Variants in TENM2 observed in about 807,000 individuals in gnomAD.
TENM2 encodes teneurin transmembrane protein 2.
Under a neutral mutation model 245.2 loss-of-function variants are expected in TENM2, and 52 were observed. That is an observed-to-expected ratio of 0.21 (90% CI 0.17 to 0.27). TENM2 has a LOEUF of 0.27. Among genes scored for constraint, TENM2 ranks in the 10% least tolerant of loss-of-function variants. The probability of loss-of-function intolerance (pLI) is 1.00; values close to 1 mark genes in which losing one functional copy is unlikely to be tolerated. For missense variants in TENM2, 3,046 were observed against 3,666.8 expected, an observed-to-expected ratio of 0.83 and a Z score of 4.37; for synonymous variants, 1,363 against 1,438.9, an observed-to-expected ratio of 0.95 and a Z score of 1.19.
At chr5:167,349,044 T>C (rs1758651919) in intron 1 of TENM2, among the ~76,000 whole-genome samples, 3 of 152,202 alleles carry the variant, frequency 2.0e-5, no homozygotes, top group Admixed American at 2.0e-4. Context: ...AATTATAAAA[T>C]TCCCCCACTT....
chr5:167,394,990 G>A lies in TENM2; in HGVS notation c.502+19517G>A, dbSNP rs147600813. ...CTTTGAACCAAGATTATGGTTCTAC[G>A]TGGATTTTAGGATTATTTGTTCTAT... is the stretch of plus-strand genomic sequence containing the variant. On this transcript the variant is annotated intron_variant, in intron 2 of 28. Coordinates refer to ENST00000518659, the Ensembl canonical transcript of TENM2. Among the ~76,000 whole-genome samples, 437 of 152,172 alleles carry A rather than the reference G, an allele frequency of 2.9e-3. 2 individuals are homozygous for A. Among genetic ancestry groups the A allele is most frequent in the African/African-American group, 9.4e-3 (390 of 41,516 alleles).
At chr5:167,563,345 C>T (rs916867443) in intron 2 of TENM2, among the ~76,000 whole-genome samples, 2 of 152,136 alleles carry the variant, frequency 1.3e-5, no homozygotes, top group South Asian at 4.1e-4. Context: ...GAGTACTCGC[C>T]TCTCTTTGCT....
At chr5:166,994,354 C>A in the TENM2 span, among the ~76,000 whole-genome samples, 4 of 152,146 alleles carry the variant, frequency 2.6e-5, no homozygotes, top group Admixed American at 2.6e-4. Context: ...AAAGATTTCT[C>A]ATTTCCTTTG....
the TENM2 span, among the ~76,000 whole-genome samples, chr5:166,988,547 T>G: frequency 6.6e-6 from 1 of 152,346 alleles, no homozygotes; most frequent in Admixed American, 6.5e-5. Context: ...CTGTGCAATT[T>G]GAATTATTAT....
intron 3 of TENM2, among the ~76,000 whole-genome samples, chr5:167,941,461 A>C (rs1779172354): frequency 6.6e-6 from 1 of 152,200 alleles, no homozygotes; most frequent in Admixed American, 6.5e-5. Context: ...GCCTGGAGTT[A>C]CTATAACTCA....
At chr5:167,518,404 AATT>A (rs772803473) in intron 2 of TENM2, among the ~76,000 whole-genome samples, 28 of 152,170 alleles carry the variant, frequency 1.8e-4, no homozygotes, top group Non-Finnish European at 3.1e-4. Flanking sequence ...AGATTAGAGA[AATT>A]ATGTTAATGA....
chr5:167,066,560 T>G, the TENM2 span, among the ~76,000 whole-genome samples: 1 of 121,664 alleles, frequency 8.2e-6, no homozygotes, highest in African/African-American at 3.1e-5. Flanking sequence ...GTCCCCGGAG[T>G]GTGATGTTCC....
intron 5 of TENM2, among the ~76,000 whole-genome samples, chr5:167,995,860 T>C (rs1784013809): frequency 6.6e-6 from 1 of 152,178 alleles, no homozygotes; most frequent in Non-Finnish European, 1.5e-5. Flanking sequence ...CCAATGATTG[T>C]GCCCACCTGG....
the TENM2 span, among the ~76,000 whole-genome samples, chr5:167,012,686 A>T: frequency 1.3e-5 from 2 of 152,250 alleles, no homozygotes; most frequent in African/African-American, 4.8e-5. Flanking sequence ...CCAAAGGGAG[A>T]TGTAGGGGTT....
At chr5:167,487,691 G>T (rs1362296238) in intron 2 of TENM2, among the ~76,000 whole-genome samples, 1 of 152,100 alleles carries the variant, frequency 6.6e-6, no homozygotes, top group Non-Finnish European at 1.5e-5. Flanking sequence ...TCTTTTGGCT[G>T]GTTAAGTATC....
chr5:167,815,640 C>G (rs1766989297), intron 2 of TENM2, among the ~76,000 whole-genome samples: 1 of 152,136 alleles, frequency 6.6e-6, no homozygotes, highest in African/African-American at 2.4e-5. Context: ...GTAAATCCTA[C>G]AAAGCCTTCC....
intron 5 of TENM2, among the ~76,000 whole-genome samples, chr5:168,008,583 G>T (rs1784998831): frequency 6.6e-6 from 1 of 152,154 alleles, no homozygotes; most frequent in African/African-American, 2.4e-5. Context: ...GTGTGTGTTG[G>T]TGAGGCCCTG....
chr5:167,321,599 G>A (rs963395311), intron 1 of TENM2, among the ~76,000 whole-genome samples: 3 of 152,074 alleles, frequency 2.0e-5, no homozygotes, highest in African/African-American at 7.2e-5. Flanking sequence ...TAGGTGGTTT[G>A]CTAAGGTAGA....
the TENM2 span, among the ~76,000 whole-genome samples, chr5:167,265,832 T>C: frequency 3.9e-5 from 6 of 152,294 alleles, 1 homozygote; most frequent in African/African-American, 1.4e-4. Context: ...TCTCTTTTTT[T>C]TCATAGTCCC....
the TENM2 span, among the ~76,000 whole-genome samples, chr5:167,175,036 C>A: frequency 6.6e-6 from 1 of 152,096 alleles, no homozygotes; most frequent in South Asian, 2.1e-4. Flanking sequence ...TATGTATATT[C>A]ACATGCTATA....
rs201262015 is a variant in TENM2, at chr5:167,651,757, T to TA, written c.503-224227dup. On this transcript the variant is annotated intron_variant, in intron 2 of 28. Transcript: ENST00000518659. ...CTTTTGTGACCTTGGACAAATTATC[T>TA]AATCTCTTTGGTCCAATATAGGTCA... 5.3e-5 allele frequency among the ~76,000 whole-genome samples: 8 copies of TA among 152,214 alleles called. No individual in the cohort carries two copies. In the East Asian group the frequency reaches 1.4e-3, roughly 26 times the overall value.
At chr5:168,155,509 C>T (rs1562225555) in intron 12 of TENM2, among the ~76,000 whole-genome samples, 1 of 152,044 alleles carries the variant, frequency 6.6e-6, no homozygotes, top group Non-Finnish European at 1.5e-5. Context: ...TCATAATTGC[C>T]CTTAGCTCCA....
At chr5:167,728,509 C>CTG (rs1760189815) in intron 2 of TENM2, among the ~76,000 whole-genome samples, 1 of 151,900 alleles carries the variant, frequency 6.6e-6, no homozygotes, top group East Asian at 1.9e-4. Context: ...ACTCAGGAGG[C>CTG]AGGAGGATTA....
At chr5:167,121,713 CCTTT>C in the TENM2 span, among the ~76,000 whole-genome samples, 22 of 152,264 alleles carry the variant, frequency 1.4e-4, no homozygotes, top group South Asian at 4.6e-3. Flanking sequence ...AGTACATAGC[CCTTT>C]CTTTCTTTTT....
Sources: allele counts gnomAD v4.1 joint callset (sites outside exome capture counted in the v4.1 genomes callset), GRCh38; gene constraint gnomAD v4.1.1; transcripts MANE v1.5; gene names NCBI Gene and HGNC (gene_info 2026-07-23, HGNC 2026-07-21).